Variants in SKI observed in about 807,000 individuals in gnomAD.
The protein encoded by SKI is SKI proto-oncogene.
A neutral mutation model predicts 59.3 loss-of-function variants in SKI; 23 were observed. The observed-to-expected ratio is 0.39, with a 90% CI of 0.28 to 0.55. The LOEUF (loss-of-function observed/expected upper bound fraction) is 0.55, where lower values mean the gene tolerates loss of function less well. Ranked by LOEUF, SKI falls within the 20% of genes least tolerant of loss-of-function variation. The pLI, the probability that SKI is intolerant of heterozygous loss-of-function variation, is 0.67. For missense variants in SKI, 1,017 were observed against 1,038.9 expected, an observed-to-expected ratio of 0.98 and a Z score of 0.29; for synonymous variants, 673 against 488.6, an observed-to-expected ratio of 1.38 and a Z score of -4.98.
rs897964442 is a variant in SKI, at chr1:2,228,958, G to T, written c.192G>T (p.Val64=). ...EAGAAAVPAP[V]PAATEPPPVL... ...GCGCGGCCGCGGTGCCGGCGCCGGT[G>T]CCCGCAGCCACCGAGCCGCCGCCCG... The change falls in exon 1 of 7, where the codon GTG becomes GTT. Residue 64 remains valine (V), a synonymous_variant. Coordinates refer to ENST00000378536, the MANE Select transcript of SKI (RefSeq NM_003036.4). 3.5e-6 allele frequency: 5 copies of T among 1,417,258 alleles called. No homozygotes were observed. The highest frequency in any genetic ancestry group is 3.0e-5 in the African/African-American group (2 of 66,530). 87.8% of individuals were successfully genotyped at this position (1,417,258 alleles called of 1,614,324 possible).
chr1:2,284,267 C>G (rs1327084905), intron 1 of SKI, among the ~76,000 whole-genome samples: 1 of 152,146 alleles, frequency 6.6e-6, no homozygotes, highest in Non-Finnish European at 1.5e-5. Context: ...ATCCCTGATC[C>G]CTGGACCCAT....
At chr1:2,233,584 C>A (rs952525458) in intron 1 of SKI, among the ~76,000 whole-genome samples, 1 of 151,998 alleles carries the variant, frequency 6.6e-6, no homozygotes, top group African/African-American at 2.4e-5. Context: ...GGAGGGTCCG[C>A]GACGGGGGTT....
intron 1 of SKI, among the ~76,000 whole-genome samples, chr1:2,257,515 C>T (rs989149152): frequency 6.6e-6 from 1 of 152,256 alleles, no homozygotes; most frequent in African/African-American, 2.4e-5. Context: ...GCCGCCTCCT[C>T]CCAGCTGCCT....
intron 1 of SKI, among the ~76,000 whole-genome samples, chr1:2,271,644 C>T (rs185151248): frequency 2.2e-3 from 328 of 152,232 alleles, no homozygotes; most frequent in Admixed American, 6.1e-3. Flanking sequence ...TCCCATTGAG[C>T]CCCGCCATTG....
intron 1 of SKI, among the ~76,000 whole-genome samples, chr1:2,232,034 G>A (rs911543600): frequency 3.3e-5 from 5 of 152,194 alleles, no homozygotes; most frequent in African/African-American, 1.2e-4. Context: ...CAGGGTGGGC[G>A]TGGACCCACA....
In SKI at chr1:2,306,316, C is replaced by G. The variant is rs549446879; in HGVS notation, c.1998+66C>G. ...GTGGAGCCGCCGTGGGCCCCGGTGG[C>G]CAGTCCTGCCCAGCCGGAAAGGCCT... On this transcript the variant is annotated intron_variant, in intron 6 of 6. Coordinates refer to ENST00000378536, the MANE Select transcript of SKI (RefSeq NM_003036.4). 6 of 1,369,628 alleles carry G rather than the reference C, an allele frequency of 4.4e-6. No homozygotes were observed. The East Asian group carries it at 1.3e-4, about 29-fold the overall frequency. 84.8% of individuals were successfully genotyped at this position (1,369,628 alleles called of 1,614,324 possible). A position where few individuals can be genotyped will look rare whatever the true frequency, so the allele number is the denominator to read the frequency against.
At chr1:2,289,502 TGGGGGGGTGC>T (rs1640115326) in intron 1 of SKI, among the ~76,000 whole-genome samples, 1 of 73,058 alleles carries the variant, frequency 1.4e-5, no homozygotes, top group African/African-American at 4.9e-5. Context: ...ATCGTGGGGG[TGGGGGGGTGC>T]AGGGCAGGGC....
intron 1 of SKI, among the ~76,000 whole-genome samples, chr1:2,277,600 G>T (rs964176250): frequency 6.6e-6 from 1 of 152,176 alleles, no homozygotes; most frequent in Admixed American, 6.5e-5. Context: ...CCCAGTTTCG[G>T]GTATATCTTC....
intron 1 of SKI, among the ~76,000 whole-genome samples, chr1:2,301,931 G>A (rs2100913959): frequency 6.6e-6 from 1 of 152,368 alleles, no homozygotes; most frequent in East Asian, 1.9e-4. Flanking sequence ...CTGTCCTGTG[G>A]GGTCTTTGGC....
At chr1:2,260,470 G>A (rs1033114165) in intron 1 of SKI, among the ~76,000 whole-genome samples, 1 of 150,810 alleles carries the variant, frequency 6.6e-6, no homozygotes, top group African/African-American at 2.5e-5. Context: ...TTTTCTGAAC[G>A]GTGTTTTTTG....
At chr1:2,297,203 G>T (rs946430086) in intron 1 of SKI, among the ~76,000 whole-genome samples, 3 of 152,078 alleles carry the variant, frequency 2.0e-5, no homozygotes, top group African/African-American at 7.2e-5. Context: ...ACCTTTTGAG[G>T]TCCAGTGATC....
intron 1 of SKI, among the ~76,000 whole-genome samples, chr1:2,231,934 G>A (rs1638648208): frequency 6.6e-6 from 1 of 152,222 alleles, no homozygotes; most frequent in South Asian, 2.1e-4. Context: ...TGGGAGTTCT[G>A]GGCTTCAGGG....
chr1:2,287,663 G>A (rs139555485), intron 1 of SKI, among the ~76,000 whole-genome samples: 175 of 152,162 alleles, frequency 1.2e-3, no homozygotes, highest in Admixed American at 2.1e-3. Flanking sequence ...AGGGTCTGCC[G>A]CAGGGGGGGT....
chr1:2,285,440 G>A lies in SKI; in HGVS notation c.970-17538G>A, dbSNP rs199861452. On this transcript the variant is annotated intron_variant, in intron 1 of 6. Transcript: ENST00000378536. ...TGAGGCAGGAGAATTGCTTGAACCT[G>A]GGAGGCGGAGGTTGCAGTGAGCTGA... 5.3e-5 allele frequency among the ~76,000 whole-genome samples: 8 copies of A among 152,004 alleles called. No homozygotes were observed. In the East Asian group the frequency reaches 1.6e-3, roughly 30 times the overall value.
chr1:2,284,330 G>A (rs1198609884), intron 1 of SKI, among the ~76,000 whole-genome samples: 3 of 152,208 alleles, frequency 2.0e-5, no homozygotes, highest in African/African-American at 4.8e-5. Context: ...ACCCCGAGGC[G>A]GCCTGAGAAG....
intron 1 of SKI, among the ~76,000 whole-genome samples, chr1:2,259,872 A>G (rs1639347236): frequency 1.3e-5 from 2 of 152,168 alleles, no homozygotes; most frequent in Admixed American, 1.3e-4. Flanking sequence ...TGTGCTGGGC[A>G]GTGTTCCCCT....
At chr1:2,238,460 G>A (rs1638797919) in intron 1 of SKI, among the ~76,000 whole-genome samples, 1 of 152,234 alleles carries the variant, frequency 6.6e-6, no homozygotes, top group South Asian at 2.1e-4. Flanking sequence ...AGGGTGCTCT[G>A]CCTCCATGGC....
At chr1:2,254,681 C>T (rs772822808) in intron 1 of SKI, among the ~76,000 whole-genome samples, 5 of 152,166 alleles carry the variant, frequency 3.3e-5, no homozygotes, top group Non-Finnish European at 7.3e-5. Context: ...TTGGAGTCTT[C>T]TCTTTGTTCC....
At position 2,306,837 on chromosome 1, in the gene SKI, G is replaced by T. The variant is rs1236184573; in HGVS notation, c.*72G>T. ...GGGCGCGGCTGGGCGGTGCAGCTCC[G>T]CCCGGCTCCGCCCCTGCAGCCCACA... is the stretch of plus-strand genomic sequence containing the variant. On this transcript the variant is annotated 3_prime_UTR_variant, in exon 7 of 7. Transcript: ENST00000378536. 3 of 1,045,362 alleles carry T rather than the reference G, an allele frequency of 2.9e-6. No individual in the cohort carries two copies. The highest frequency in any genetic ancestry group is 4.6e-5 in the Admixed American group (1 of 21,862). The allele number at this position is 1,045,362 out of a possible 1,614,324, so 64.8% of individuals were successfully genotyped here.
Sources: allele counts gnomAD v4.1 joint callset (sites outside exome capture counted in the v4.1 genomes callset), GRCh38; gene constraint gnomAD v4.1.1; transcripts MANE v1.5; gene names NCBI Gene and HGNC (gene_info 2026-07-23, HGNC 2026-07-21).